PSD3: variants seen among roughly 807,000 people sequenced by gnomAD.
PSD3 encodes the protein PH and SEC7 domain-containing protein 3.
A neutral mutation model predicts 105.5 loss-of-function variants in PSD3; 49 were observed. The observed-to-expected ratio is 0.46, with a 90% confidence interval of 0.37 to 0.59. The LOEUF (loss-of-function observed/expected upper bound fraction) is 0.59, where lower values mean the gene tolerates loss of function less well. Among genes scored for constraint, PSD3 ranks in the 20% least tolerant of loss-of-function variants. The pLI is 0.00. For missense variants in PSD3, 1,561 were observed against 1,263.8 expected (o/e 1.24, Z -3.57); for synonymous variants, 557 against 457.8 (o/e 1.22, Z -2.77).
chr8:18,813,395 C>A (rs983992045), intron 4 of PSD3, among the ~76,000 whole-genome samples: 1 of 152,236 alleles, frequency 6.6e-6, no homozygotes, highest in Non-Finnish European at 1.5e-5. Context: ...GCAACCATCC[C>A]CTGTCTGCAA....
At chr8:18,759,651 C>T (rs1806347623) in intron 9 of PSD3, among the ~76,000 whole-genome samples, 2 of 151,974 alleles carry the variant, frequency 1.3e-5, no homozygotes, top group Non-Finnish European at 1.5e-5. Flanking sequence ...TGGTAGATGG[C>T]AATGGGAAAG....
At chr8:19,038,564 G>A (rs866857498) in intron 1 of PSD3, among the ~76,000 whole-genome samples, 7 of 152,118 alleles carry the variant, frequency 4.6e-5, no homozygotes, top group South Asian at 2.1e-4. Flanking sequence ...GGGCTCAAGC[G>A]ATCCCCCTGT....
chr8:18,745,156 T>G (rs1465221821), intron 9 of PSD3, among the ~76,000 whole-genome samples: 1 of 152,208 alleles, frequency 6.6e-6, no homozygotes, highest in Non-Finnish European at 1.5e-5. Flanking sequence ...AAAGTTAGTA[T>G]TTTCCCCTCA....
intron 1 of PSD3, among the ~76,000 whole-genome samples, chr8:18,967,937 C>T (rs888438986): frequency 1.3e-5 from 2 of 152,176 alleles, no homozygotes; most frequent in Non-Finnish European, 2.9e-5. Flanking sequence ...AGGAGAATTG[C>T]TTCCAATATC....
chr8:18,565,561 T>C (rs1801684816), intron 14 of PSD3, among the ~76,000 whole-genome samples: 1 of 145,526 alleles, frequency 6.9e-6, no homozygotes, highest in South Asian at 2.3e-4. Flanking sequence ...CACTGTGTCT[T>C]GAAAAAGCAC....
At chr8:18,948,653 G>C (rs968204524) in intron 1 of PSD3, among the ~76,000 whole-genome samples, 12 of 152,154 alleles carry the variant, frequency 7.9e-5, no homozygotes, top group African/African-American at 2.7e-4. Flanking sequence ...CTTGGAAAAG[G>C]TTAGGAAGAA....
Position 18,570,716 on chromosome 8 carries a change from GA to G in PSD3, c.2784+1811del, listed in dbSNP as rs549973797. Among the ~76,000 whole-genome samples the G allele has an allele frequency of 1.7e-3, 261 of 151,468 alleles. 1 individual carries two copies. The highest frequency in any genetic ancestry group is 6.1e-3 in the African/African-American group (252 of 41,340). On this transcript the variant is annotated intron_variant, in intron 14 of 15. Coordinates refer to ENST00000327040, the MANE Select transcript of PSD3 (RefSeq NM_015310.4). ...ACATTTATGCAGCCAAAAAACACAT[GA>G]AAAAATGCTCATCATCACTGGCCAT...
At chr8:18,653,388 G>C (rs898580437) in intron 10 of PSD3, among the ~76,000 whole-genome samples, 1 of 151,860 alleles carries the variant, frequency 6.6e-6, no homozygotes, top group African/African-American at 2.4e-5. Context: ...AAAGAAATTG[G>C]AGCTTTGAAA....
At chr8:18,871,137 T>G (rs1271941392) in intron 3 of PSD3, among the ~76,000 whole-genome samples, 1 of 152,022 alleles carries the variant, frequency 6.6e-6, no homozygotes, top group Non-Finnish European at 1.5e-5. Flanking sequence ...GGAAATTGAG[T>G]GGGCCAAGAA....
chr8:18,561,921 G>T (rs1204671921), intron 14 of PSD3, among the ~76,000 whole-genome samples: 1 of 152,096 alleles, frequency 6.6e-6, no homozygotes, highest in African/African-American at 2.4e-5. Flanking sequence ...CCAGGACCAA[G>T]GGCCAGAAAT....
At chr8:18,563,336 C>A (rs186389997) in intron 14 of PSD3, among the ~76,000 whole-genome samples, 1 of 151,544 alleles carries the variant, frequency 6.6e-6, no homozygotes, top group Non-Finnish European at 1.5e-5. Context: ...AGTAGCTGAA[C>A]AAATAGATTT....
chr8:18,945,016 T>C (rs953586132), intron 1 of PSD3, among the ~76,000 whole-genome samples: 7 of 152,176 alleles, frequency 4.6e-5, no homozygotes, highest in African/African-American at 1.4e-4. Context: ...TAGCTGTGCT[T>C]ACTGTTATTG....
intron 10 of PSD3, among the ~76,000 whole-genome samples, chr8:18,649,884 C>T (rs1808344886): frequency 6.6e-6 from 1 of 152,194 alleles, no homozygotes; most frequent in African/African-American, 2.4e-5. Flanking sequence ...TCCCTCTTTG[C>T]CTCCTGTCAT....
intron 8 of PSD3, among the ~76,000 whole-genome samples, chr8:18,784,074 T>G (rs1381453517): frequency 6.6e-6 from 1 of 152,206 alleles, no homozygotes; most frequent in East Asian, 1.9e-4. Context: ...AAACATGTTT[T>G]GTATGTTTTC....
exon 1 of PSD3, chr8:19,084,265 A>G (rs1829737505): frequency 2.2e-6 from 1 of 456,230 alleles, no homozygotes; most frequent in Non-Finnish European, 4.4e-6. Context: ...ACAGCTGGAC[A>G]GTACCTGTAG....
At chr8:18,817,674 A>G (rs1812324809) in intron 4 of PSD3, among the ~76,000 whole-genome samples, 1 of 152,222 alleles carries the variant, frequency 6.6e-6, no homozygotes, top group South Asian at 2.1e-4. Context: ...CTGTATACAA[A>G]GCTGAAAGTT....
intron 1 of PSD3, among the ~76,000 whole-genome samples, chr8:18,954,697 C>T (rs1029197857): frequency 1.3e-5 from 2 of 152,158 alleles, no homozygotes; most frequent in Non-Finnish European, 2.9e-5. Context: ...GTTTCCTAAA[C>T]TTGGGTATAT....
At chr8:18,540,138 G>A (rs1800079291) in intron 15 of PSD3, among the ~76,000 whole-genome samples, 1 of 152,210 alleles carries the variant, frequency 6.6e-6, no homozygotes, top group Non-Finnish European at 1.5e-5. Context: ...TGACATGTAA[G>A]TAGAAGTCTG....
intron 9 of PSD3, among the ~76,000 whole-genome samples, chr8:18,681,405 G>T (rs1030777643): frequency 5.4e-4 from 76 of 141,520 alleles, no homozygotes; most frequent in African/African-American, 1.9e-3. Flanking sequence ...CCAGGAGTTG[G>T]AGACCAACCT....
Sources: gnomAD v4.1 joint callset for allele counts (sites outside exome capture counted in the v4.1 genomes callset) on GRCh38, gnomAD v4.1.1 for gene constraint, MANE v1.5 for transcripts, NCBI Gene and HGNC (gene_info 2026-07-23, HGNC 2026-07-21) for gene names.